CEP192: variants seen among roughly 807,000 people sequenced by gnomAD.
CEP192 encodes the protein centrosomal protein 192.
A neutral mutation model predicts 271.8 loss-of-function variants in CEP192; 151 were observed. The ratio of observed to expected loss-of-function variants is 0.56; its 90% CI spans 0.49 to 0.64. The LOEUF is 0.64. Ranked by LOEUF, CEP192 falls within the 30% of genes least tolerant of loss-of-function variation. CEP192 has a pLI of 0.00. For synonymous variants in CEP192, 995 were observed against 1,076.5 expected (o/e 0.92, Z 1.48); for missense variants, 2,910 against 3,020.5 (o/e 0.96, Z 0.86).
At position 13,018,674 on chromosome 18, in the gene CEP192, T is replaced by A. The variant is rs7237187; in HGVS notation, c.925+59T>A. 6.3e-3 allele frequency: 6,232 copies of A among 993,836 alleles called. 89 individuals are homozygous for A. Among genetic ancestry groups the A allele is most frequent in the African/African-American group, 0.052 (3,136 of 60,260 alleles). The allele number at this position is 993,836 out of a possible 1,614,324, so 61.6% of individuals were successfully genotyped here. A position where few individuals can be genotyped will look rare whatever the true frequency, so the allele number is the denominator to read the frequency against. ...GTTCTAGTTTTGACTTTACTTTTTT[T>A]AAAAAAAAAATATTTCTCTGGTATG... On this transcript the variant is annotated intron_variant, in intron 8 of 44. Coordinates refer to ENST00000506447, the MANE Select transcript of CEP192 (RefSeq NM_032142.4).
intron 9 of CEP192, among the ~76,000 whole-genome samples, chr18:13,020,022 G>C (rs974623348): frequency 1.3e-5 from 2 of 151,994 alleles, no homozygotes; most frequent in African/African-American, 4.8e-5. Flanking sequence ...TGTTTGTCAG[G>C]CAGGTCTCAA....
At chr18:13,047,283 C>G (rs557663985) in intron 15 of CEP192, among the ~76,000 whole-genome samples, 3 of 152,304 alleles carry the variant, frequency 2.0e-5, no homozygotes, top group South Asian at 2.1e-4. Flanking sequence ...TTTACCTTTA[C>G]TGCTGGGGTG....
intron 30 of CEP192, among the ~76,000 whole-genome samples, chr18:13,080,752 C>T (rs1161296570): frequency 2.6e-5 from 4 of 152,198 alleles, no homozygotes; most frequent in African/African-American, 9.6e-5. Context: ...TTTGCCCATT[C>T]ACTATGATAT....
intron 28 of CEP192, among the ~76,000 whole-genome samples, 171 bp downstream of exon 28, chr18:13,071,383 A>G (rs1344868069): frequency 6.6e-6 from 1 of 152,208 alleles, no homozygotes; most frequent in African/African-American, 2.4e-5. Context: ...TCTTTAACAT[A>G]TATTCCAGTC....
intron 28 of CEP192, among the ~76,000 whole-genome samples, chr18:13,071,748 T>C (rs528289106): frequency 3.9e-5 from 6 of 152,294 alleles, no homozygotes; most frequent in African/African-American, 1.4e-4. Flanking sequence ...CTCCCTGTAT[T>C]GTACAGGTTT....
At chr18:13,090,122 T>C (rs2039073671) in intron 33 of CEP192, among the ~76,000 whole-genome samples, 2 of 152,242 alleles carry the variant, frequency 1.3e-5, no homozygotes, top group Admixed American at 1.3e-4. Context: ...TTATTATTCA[T>C]ACAAAATATA....
chr18:13,025,089 C>T (rs2143387826), intron 9 of CEP192, among the ~76,000 whole-genome samples: 1 of 152,266 alleles, frequency 6.6e-6, no homozygotes, highest in East Asian at 1.9e-4. Flanking sequence ...GTATTTAGAC[C>T]ATTGACTTTG....
chr18:13,049,074 T>A lies in CEP192; in HGVS notation c.2283T>A (p.His761Gln). The change falls in exon 16 of 45, where the codon CAT (histidine) becomes CAA (glutamine). Residue 761 changes from histidine (H) to glutamine (Q), a missense_variant. Physicochemically the swap from His to Gln is conservative, Grantham distance 24. Transcript: ENST00000506447. ...ATGAGAAACAAAAGGACTATTCTCA[T>A]GTGCGTCATTTCTTACCTAATGATT... ...QEDEKQKDYS[H>Q]VRHFLPNDLE... The A allele has an allele frequency of 1.2e-6, 2 of 1,614,130 alleles. No homozygotes were observed. Among genetic ancestry groups the A allele is most frequent in the Non-Finnish European group, 1.7e-6 (2 of 1,179,972 alleles).
At position 13,095,503 on chromosome 18, in the gene CEP192, C is replaced by A; in HGVS notation, c.6255C>A (p.Ser2085Arg). Reference protein sequence around the residue: ...PSSKASLESTSDLGASGKHGG... With the variant: ...PSSKASLESTRDLGASGKHGG... ...TTTTCATTTTTAAATAATTTTTTAG[C>A]GACTTGGGAGCTTCTGGGAAACATG... is the stretch of plus-strand genomic sequence containing the variant. Residue 2085 changes from serine (S) to arginine (R), a missense_variant and splice_region_variant, in exon 35 of 45, where the codon AGC becomes AGA. Transcript: ENST00000506447. 6.3e-7 allele frequency: 1 copy of A among 1,587,922 alleles called. No individual in the cohort carries two copies. Among genetic ancestry groups the A allele is most frequent in the South Asian group, 1.2e-5 (1 of 86,188 alleles).
intron 15 of CEP192, among the ~76,000 whole-genome samples, chr18:13,043,429 G>A (rs1029970382): frequency 1.3e-5 from 2 of 152,096 alleles, no homozygotes; most frequent in Admixed American, 6.5e-5. Flanking sequence ...CCATGACATC[G>A]TGGGTATATT....
At chr18:13,090,170 T>C (rs2039075220) in intron 33 of CEP192, among the ~76,000 whole-genome samples, 1 of 152,244 alleles carries the variant, frequency 6.6e-6, no homozygotes, top group South Asian at 2.1e-4. Flanking sequence ...AAAATGTATA[T>C]ACAGATTTTC....
At chr18:13,014,534 T>C (rs1176962557) in intron 5 of CEP192, among the ~76,000 whole-genome samples, 1 of 152,172 alleles carries the variant, frequency 6.6e-6, no homozygotes, top group Non-Finnish European at 1.5e-5. Flanking sequence ...ACAGATTTTT[T>C]CCCAATTTTT....
At chr18:13,078,911 T>C (rs2038438611) in intron 30 of CEP192, among the ~76,000 whole-genome samples, 1 of 152,126 alleles carries the variant, frequency 6.6e-6, no homozygotes, top group Non-Finnish European at 1.5e-5. Flanking sequence ...CTTGTGATAG[T>C]TTGCTGAGAA....
At chr18:13,085,300 C>T (rs1274827776) in intron 30 of CEP192, among the ~76,000 whole-genome samples, 1 of 152,012 alleles carries the variant, frequency 6.6e-6, no homozygotes, top group Non-Finnish European at 1.5e-5. Context: ...AGCCCTCAGC[C>T]CTCTGTCAGA....
intron 40 of CEP192, among the ~76,000 whole-genome samples, chr18:13,107,585 A>G (rs556669322): frequency 6.6e-6 from 1 of 152,368 alleles, no homozygotes; most frequent in East Asian, 1.9e-4. Flanking sequence ...ATCCTTTGCT[A>G]GGAATTATCA....
At chr18:13,075,221 C>T (rs2038207761) in intron 30 of CEP192, among the ~76,000 whole-genome samples, 1 of 152,194 alleles carries the variant, frequency 6.6e-6, no homozygotes, top group Non-Finnish European at 1.5e-5. Flanking sequence ...TGCGAGGACA[C>T]AGCATTTCTT....
intron 1 of CEP192, among the ~76,000 whole-genome samples, chr18:12,997,521 G>C (rs2033331327): frequency 6.6e-6 from 1 of 152,194 alleles, no homozygotes; most frequent in South Asian, 2.1e-4. Context: ...CCTTGCAGCT[G>C]CACAGCTAGA....
intron 34 of CEP192, among the ~76,000 whole-genome samples, chr18:13,093,870 A>T (rs753890919): frequency 1.3e-5 from 2 of 152,238 alleles, no homozygotes; most frequent in African/African-American, 4.8e-5. Context: ...TGTGTGTGCT[A>T]GGAGATCTGT....
intron 6 of CEP192, 31 bp from the exon 7 acceptor site, chr18:13,017,157 A>C: frequency 6.6e-7 from 1 of 1,515,188 alleles, no homozygotes; most frequent in Admixed American, 2.1e-5. Context: ...ACTTTAAAGC[A>C]TGTCCTGTTT....
Sources: allele counts gnomAD v4.1 joint callset (sites outside exome capture counted in the v4.1 genomes callset), GRCh38; gene constraint gnomAD v4.1.1; transcripts MANE v1.5; gene names NCBI Gene and HGNC (gene_info 2026-07-23, HGNC 2026-07-21).